Variants in EVC2 observed in about 807,000 individuals in gnomAD.
EVC2 encodes the protein EvC ciliary complex subunit 2.
Under a neutral mutation model 149.3 loss-of-function variants are expected in EVC2, and 148 were observed. The observed-to-expected ratio is 0.99, with a 90% confidence interval of 0.87 to 1.14. EVC2 has a LOEUF of 1.14. Ranked by LOEUF, EVC2 falls within the 50% of genes most tolerant of loss-of-function variation. The probability of loss-of-function intolerance (pLI) is 0.00; values close to 1 mark genes in which losing one functional copy is unlikely to be tolerated. For missense variants in EVC2, 1,854 were observed against 1,627.3 expected (o/e 1.14, Z -2.40); for synonymous variants, 776 against 649.9 (o/e 1.19, Z -2.95).
chr4:5,530,093 G>GT, the EVC2 span, among the ~76,000 whole-genome samples: 1 of 152,218 alleles, frequency 6.6e-6, no homozygotes, highest in African/African-American at 2.4e-5. Flanking sequence ...GATTACAGGT[G>GT]TGAGTCACCA....
intron 9 of EVC2, among the ~76,000 whole-genome samples, chr4:5,643,610 T>C (rs1002279668): frequency 6.6e-6 from 1 of 152,206 alleles, no homozygotes; most frequent in Non-Finnish European, 1.5e-5. Flanking sequence ...ACCTACACTG[T>C]CATTATTACA....
chr4:5,550,227 G>A (rs1469933634), intron 21 of EVC2, among the ~76,000 whole-genome samples: 3 of 152,148 alleles, frequency 2.0e-5, no homozygotes, highest in Non-Finnish European at 4.4e-5. Context: ...CAGTTTGGAG[G>A]GCTCAGAAGA....
chr4:5,558,207 C>A (rs1204041079), downstream of EVC2, among the ~76,000 whole-genome samples: 1 of 152,120 alleles, frequency 6.6e-6, no homozygotes, highest in Non-Finnish European at 1.5e-5. Flanking sequence ...GGTGAAGGAA[C>A]AGGTGCATAG....
At chr4:5,588,619 A>G (rs972103781) in intron 16 of EVC2, among the ~76,000 whole-genome samples, 1 of 151,764 alleles carries the variant, frequency 6.6e-6, no homozygotes, top group Admixed American at 6.6e-5. Context: ...AAGCTAACTA[A>G]TTTTTTTCTG....
intron 1 of EVC2, among the ~76,000 whole-genome samples, chr4:5,706,373 G>C (rs112264620): frequency 5.6e-5 from 5 of 90,084 alleles, no homozygotes; most frequent in Admixed American, 1.1e-4. Flanking sequence ...TAGATACATA[G>C]ATAGATACAT....
chr4:5,543,261 C>T lies in EVC2; in HGVS notation c.3420-49G>A, dbSNP rs1255343202. The T allele has an allele frequency of 3.2e-6, 4 of 1,234,768 alleles. No individual in the cohort carries two copies. The Admixed American group carries it at 9.2e-5, about 29-fold the overall frequency. The allele number at this position is 1,234,768 out of a possible 1,614,324, so 76.5% of individuals were successfully genotyped here. A position where few individuals can be genotyped will look rare whatever the true frequency, so the allele number is the denominator to read the frequency against. Reference sequence around the variant, plus strand: ...CTAACCAAAGTCTCTCCCATCCCTACCCACATTGTACCATCACCATCCACC... The same window carrying T: ...CTAACCAAAGTCTCTCCCATCCCTATCCACATTGTACCATCACCATCCACC... On this transcript the variant is annotated intron_variant and NMD_transcript_variant, in intron 21 of 22. Coordinates refer to the EVC2 transcript ENST00000475313.
rs374505301 is a variant in EVC2, at chr4:5,664,927, C to T, written c.1005+588G>A. Among the ~76,000 whole-genome samples, 237 of 147,432 alleles carry T rather than the reference C, an allele frequency of 1.6e-3. 1 individual carries two copies. Among genetic ancestry groups the T allele is most frequent in the African/African-American group, 5.6e-3 (221 of 39,804 alleles). ...TGGGTGATGGGGTGCGTGTGGGTGA[C>T]GGGCTGCGTGTGGGTGATGGGGTGT... On this transcript the variant is annotated intron_variant, in intron 8 of 21. Coordinates refer to ENST00000344408, the MANE Select transcript of EVC2 (RefSeq NM_147127.5).
At position 5,569,765 on chromosome 4, in the gene EVC2, C is replaced by T. The variant is rs1030273238; in HGVS notation, c.3361-1125G>A. 1.3e-5 allele frequency among the ~76,000 whole-genome samples: 2 copies of T among 151,910 alleles called. No homozygotes were observed. Among genetic ancestry groups the T allele is most frequent in the East Asian group, 1.9e-4 (1 of 5,154 alleles). On this transcript the variant is annotated intron_variant, in intron 19 of 21. Transcript: ENST00000344408. The surrounding 1 kb of genome is among the most constrained non-coding windows in gnomAD (Gnocchi z 4.8). Reference sequence around the variant, plus strand: ...GTCAGGAGACACAAACACAGGGACTCGACCCCTTGGAAACATGGGGTCGCT... The same window carrying T: ...GTCAGGAGACACAAACACAGGGACTTGACCCCTTGGAAACATGGGGTCGCT...
chr4:5,545,324 G>A (rs1191715013), intron 21 of EVC2, among the ~76,000 whole-genome samples: 1 of 152,154 alleles, frequency 6.6e-6, no homozygotes, highest in Non-Finnish European at 1.5e-5. Context: ...AGTCAGTATG[G>A]TGTGTTAGAA....
intron 2 of EVC2, among the ~76,000 whole-genome samples, chr4:5,695,326 C>T (rs187709904): frequency 4.1e-5 from 6 of 144,784 alleles, no homozygotes; most frequent in Non-Finnish European, 6.0e-5. Flanking sequence ...CCAGTCTGGG[C>T]GACAGAGCAA....
intron 16 of EVC2, among the ~76,000 whole-genome samples, chr4:5,589,812 G>T (rs780095662): frequency 9.9e-5 from 15 of 152,098 alleles, no homozygotes; most frequent in Admixed American, 2.6e-4. Flanking sequence ...CCCTCATAGG[G>T]TTATTCTGAT....
chr4:5,658,816 A>G (rs1329659535), intron 9 of EVC2, among the ~76,000 whole-genome samples: 1 of 152,218 alleles, frequency 6.6e-6, no homozygotes, highest in Admixed American at 6.5e-5. Flanking sequence ...ATTAAATAAG[A>G]TCGCAGGCGA....
chr4:5,644,696 C>A (rs543678989), intron 9 of EVC2, among the ~76,000 whole-genome samples: 43 of 152,250 alleles, frequency 2.8e-4, no homozygotes, highest in African/African-American at 1.0e-3. Context: ...CTTCCCATAC[C>A]TGGGCTCCAG....
chr4:5,668,822 GA>G (rs1361524099), intron 7 of EVC2, among the ~76,000 whole-genome samples: 2 of 152,208 alleles, frequency 1.3e-5, no homozygotes, highest in African/African-American at 2.4e-5. Flanking sequence ...GTAGTGAGTT[GA>G]GTTGAGTTGT....
chr4:5,545,898 G>A (rs1721607264), intron 21 of EVC2, among the ~76,000 whole-genome samples: 2 of 152,162 alleles, frequency 1.3e-5, no homozygotes, highest in South Asian at 4.2e-4. Context: ...CACTAAGTGG[G>A]GCTTCTGGAA....
chr4:5,558,088 C>T (rs1417527878), downstream of EVC2, among the ~76,000 whole-genome samples: 1 of 151,956 alleles, frequency 6.6e-6, no homozygotes, highest in Non-Finnish European at 1.5e-5. Flanking sequence ...ATATGGAATG[C>T]CAAAAGATCT....
chr4:5,564,727 CTCTG>C (rs888726515), intron 21 of EVC2, among the ~76,000 whole-genome samples: 13 of 152,326 alleles, frequency 8.5e-5, no homozygotes, highest in East Asian at 1.9e-4. Flanking sequence ...CCTCACTTCC[CTCTG>C]TCTGTAGGTG....
downstream of EVC2, among the ~76,000 whole-genome samples, chr4:5,558,433 T>C (rs908764625): frequency 6.6e-6 from 1 of 152,228 alleles, no homozygotes. Context: ...CTTTGTATGA[T>C]AGTGTAATTG....
At chr4:5,661,181 AT>A (rs1718852046) in intron 9 of EVC2, among the ~76,000 whole-genome samples, 1 of 152,212 alleles carries the variant, frequency 6.6e-6, no homozygotes, top group Non-Finnish European at 1.5e-5. Context: ...ATGGAATCCA[AT>A]TTGAAGGGTT....
Sources: allele counts gnomAD v4.1 joint callset (sites outside exome capture counted in the v4.1 genomes callset), GRCh38; gene constraint gnomAD v4.1.1; non-coding constraint Gnocchi (gnomAD v3.1); transcripts MANE v1.5; gene names NCBI Gene and HGNC (gene_info 2026-07-23, HGNC 2026-07-21).